The following GSE1 variants were observed in gnomAD, a reference collection of about 807,000 sequenced individuals.
The protein encoded by GSE1 is Gse1 coiled-coil protein.
A neutral mutation model predicts 112.6 loss-of-function variants in GSE1; 32 were observed. The observed-to-expected ratio is 0.28, with a 90% CI of 0.21 to 0.38. The LOEUF is 0.38. Among genes scored for constraint, GSE1 ranks in the 10% least tolerant of loss-of-function variants. The pLI, the probability that GSE1 is intolerant of heterozygous loss-of-function variation, is 1.00. For synonymous variants in GSE1, 1,115 were observed against 735.6 expected (o/e 1.52, Z -8.35); for missense variants, 2,348 against 1,699.2 (o/e 1.38, Z -6.71).
intron 2 of GSE1, among the ~76,000 whole-genome samples, chr16:85,532,823 G>T (rs1450983327): frequency 6.6e-6 from 1 of 152,206 alleles, no homozygotes; most frequent in Non-Finnish European, 1.5e-5. Context: ...TAGGCAGAGG[G>T]CTCCAGAACC....
In GSE1 at chr16:85,373,770, C is replaced by G. The variant is rs1304889735; in HGVS notation, c.2464+16127C>G. On this transcript the variant is annotated intron_variant, in intron 2 of 2. Transcript: ENST00000637419. This position sits in a 1 kb window ranked among gnomAD's most constrained non-coding sequence, Gnocchi z 5.1. ...CGCTGGCCGCCTTCTCCCGGCAGGCCTGGGGACCCTGGATCCCCGAGGCAG... is the reference window on the plus strand; with the variant it reads ...CGCTGGCCGCCTTCTCCCGGCAGGCGTGGGGACCCTGGATCCCCGAGGCAG... Among the ~76,000 whole-genome samples the G allele has an allele frequency of 6.6e-6, 1 of 152,154 alleles. No homozygotes were observed. The highest frequency in any genetic ancestry group is 1.5e-5 in the Non-Finnish European group (1 of 68,010).
intron 2 of GSE1, among the ~76,000 whole-genome samples, chr16:85,461,144 G>A (rs1391285769): frequency 6.6e-6 from 1 of 152,226 alleles, no homozygotes; most frequent in Non-Finnish European, 1.5e-5. Flanking sequence ...TTTGCCTGGT[G>A]GGGGATTGGC....
chr16:85,198,338 A>G (rs1567605148), intron 1 of GSE1, among the ~76,000 whole-genome samples: 1 of 152,216 alleles, frequency 6.6e-6, no homozygotes, highest in Non-Finnish European at 1.5e-5. Context: ...GCAGCTGGCA[A>G]AGTACACTGA....
Position 85,469,860 on chromosome 16 carries a change from C to T in GSE1, c.2464+112217C>T, listed in dbSNP as rs965292792. 4.6e-5 allele frequency among the ~76,000 whole-genome samples: 7 copies of T among 152,224 alleles called. 1 individual carries two copies. Among genetic ancestry groups the T allele is most frequent in the African/African-American group, 1.7e-4 (7 of 41,466 alleles). ...TAACCTCAGAGGATTAGGGACACCA[C>T]GAGTGGGAGGCAAGGTGGGAGGGGG... is the stretch of plus-strand genomic sequence containing the variant. On this transcript the variant is annotated intron_variant, in intron 2 of 2. Transcript: ENST00000637419.
At chr16:85,561,849 A>C (rs1206972606) in intron 1 of GSE1, among the ~76,000 whole-genome samples, 4 of 152,084 alleles carry the variant, frequency 2.6e-5, no homozygotes, top group Non-Finnish European at 5.9e-5. Flanking sequence ...TCTATTTCCC[A>C]CCCATCTAAA....
intron 1 of GSE1, among the ~76,000 whole-genome samples, chr16:85,295,129 T>C (rs577472361): frequency 6.6e-6 from 1 of 152,186 alleles, no homozygotes; most frequent in South Asian, 2.1e-4. Flanking sequence ...GGGAGATACA[T>C]TCAGTGCATA....
intron 2 of GSE1, among the ~76,000 whole-genome samples, chr16:85,518,383 G>T (rs757991406): frequency 3.3e-5 from 5 of 152,188 alleles, no homozygotes; most frequent in Non-Finnish European, 5.9e-5. Flanking sequence ...GAACCGTCCT[G>T]TGTGCTGTGT....
At chr16:85,633,139 G>A (rs141133176) in intron 1 of GSE1, among the ~76,000 whole-genome samples, 4 of 152,348 alleles carry the variant, frequency 2.6e-5, no homozygotes, top group Admixed American at 6.5e-5. Flanking sequence ...TTGGATTTGC[G>A]GTTTTCTGTT....
intron 1 of GSE1, among the ~76,000 whole-genome samples, chr16:85,276,738 G>T (rs1202079842): frequency 6.6e-6 from 1 of 152,118 alleles, no homozygotes; most frequent in Non-Finnish European, 1.5e-5. Flanking sequence ...AGGTGTGTGG[G>T]GTGGGACCTC....
intron 2 of GSE1, among the ~76,000 whole-genome samples, chr16:85,644,917 A>C (rs947510427): frequency 6.6e-6 from 1 of 151,970 alleles, no homozygotes; most frequent in African/African-American, 2.4e-5. Context: ...CAAAAACTTA[A>C]AGTGAACTTT....
At chr16:85,591,117 C>T (rs924562940) in intron 1 of GSE1, among the ~76,000 whole-genome samples, 3 of 152,208 alleles carry the variant, frequency 2.0e-5, no homozygotes, top group African/African-American at 7.2e-5. Context: ...GACTTACAGA[C>T]CCCCTGACAT....
intron 2 of GSE1, among the ~76,000 whole-genome samples, chr16:85,361,146 ACACACAGAC>A (rs1462884690): frequency 2.1e-5 from 3 of 139,750 alleles, no homozygotes; most frequent in Non-Finnish European, 1.6e-5. Flanking sequence ...CCCCACACAA[ACACACAGAC>A]ACACACAGGG....
intron 2 of GSE1, among the ~76,000 whole-genome samples, chr16:85,467,994 A>C (rs1434337692): frequency 6.6e-6 from 1 of 152,066 alleles, no homozygotes; most frequent in Non-Finnish European, 1.5e-5. Flanking sequence ...GGGGTTGCAG[A>C]CTTGCCTTCT....
chr16:85,358,658 G>A (rs932473130), intron 2 of GSE1, among the ~76,000 whole-genome samples: 9 of 152,184 alleles, frequency 5.9e-5, no homozygotes, highest in Non-Finnish European at 8.8e-5. Context: ...CCCCAATACC[G>A]ACCTCTTTCT....
intron 2 of GSE1, among the ~76,000 whole-genome samples, chr16:85,433,747 A>G (rs1597740558): frequency 1.3e-5 from 2 of 152,030 alleles, no homozygotes; most frequent in East Asian, 3.9e-4. Flanking sequence ...AGATGGATCA[A>G]TGGATGCTGG....
At chr16:85,305,674 C>G (rs1328719515) in intron 1 of GSE1, among the ~76,000 whole-genome samples, 2 of 151,948 alleles carry the variant, frequency 1.3e-5, no homozygotes, top group East Asian at 3.9e-4. Flanking sequence ...CGGGGTTTCC[C>G]CATGTTGGTC....
intron 2 of GSE1, among the ~76,000 whole-genome samples, chr16:85,642,851 C>G (rs924171994): frequency 8.5e-5 from 13 of 152,182 alleles, no homozygotes; most frequent in African/African-American, 3.1e-4. Context: ...CCTCCCCTTT[C>G]CTTCCATGCT....
chr16:85,661,847 C>G (rs1056437237), intron 9 of GSE1, 82 bp downstream of exon 9: 2 of 1,336,726 alleles, frequency 1.5e-6, no homozygotes, highest in Non-Finnish European at 2.0e-6. Flanking sequence ...CCACCTGCCC[C>G]TCTCCGTCCA....
upstream of GSE1, chr16:85,613,288 C>T: frequency 3.2e-6 from 5 of 1,539,448 alleles, no homozygotes; most frequent in Non-Finnish European, 4.4e-6. Flanking sequence ...CGGGCCCGAG[C>T]TGCCGCCGCC....
Sources: allele counts gnomAD v4.1 joint callset (sites outside exome capture counted in the v4.1 genomes callset), GRCh38; gene constraint gnomAD v4.1.1; non-coding constraint Gnocchi (gnomAD v3.1); transcripts MANE v1.5; gene names NCBI Gene and HGNC (gene_info 2026-07-23, HGNC 2026-07-21).